SPOCK1: variants seen among roughly 807,000 people sequenced by gnomAD.
SPOCK1 encodes SPARC (osteonectin), cwcv and kazal like domains proteoglycan 1, also known as testican-1.
Under a neutral mutation model 55.3 loss-of-function variants are expected in SPOCK1, and 23 were observed. That is an observed-to-expected ratio of 0.42 (90% CI 0.30 to 0.59). SPOCK1 has a LOEUF of 0.59. Among genes scored for constraint, SPOCK1 ranks in the 20% least tolerant of loss-of-function variants. The pLI, the probability that SPOCK1 is intolerant of heterozygous loss-of-function variation, is 0.22. For missense variants in SPOCK1, 499 were observed against 552.5 expected, an observed-to-expected ratio of 0.90 and a Z score of 0.97; for synonymous variants, 226 against 221.0, an observed-to-expected ratio of 1.02 and a Z score of -0.20.
intron 3 of SPOCK1, among the ~76,000 whole-genome samples, chr5:137,234,896 T>C (rs929190376): frequency 1.3e-5 from 2 of 152,214 alleles, no homozygotes; most frequent in East Asian, 1.9e-4. Flanking sequence ...CCAATAAAAA[T>C]TGCTCATCAG....
At chr5:137,035,344 C>T (rs1263981163) in intron 6 of SPOCK1, among the ~76,000 whole-genome samples, 3 of 152,168 alleles carry the variant, frequency 2.0e-5, no homozygotes, top group Non-Finnish European at 4.4e-5. Context: ...GATACAGGGT[C>T]TTCACTGCTT....
intron 6 of SPOCK1, among the ~76,000 whole-genome samples, chr5:137,021,398 T>C (rs932517706): frequency 6.6e-6 from 1 of 152,176 alleles, no homozygotes; most frequent in Non-Finnish European, 1.5e-5. Context: ...GAAGTCAATA[T>C]GATAGTTAGC....
rs1752251235 is a variant in SPOCK1, at chr5:137,053,708, G to T, written c.589+14007C>A. On this transcript the variant is annotated intron_variant, in intron 6 of 10. Coordinates refer to ENST00000394945, the MANE Select transcript of SPOCK1 (RefSeq NM_004598.4). ...GCTTGGCATCTTGTGGCTACAAAAG[G>T]GCTGCTGCAGCTCCACTCACACCTC... Among the ~76,000 whole-genome samples the T allele has an allele frequency of 2.0e-5, 3 of 151,762 alleles. 1 individual carries two copies. The South Asian group carries it at 6.2e-4, about 32-fold the overall frequency.
chr5:137,348,718 G>T (rs948609347), intron 2 of SPOCK1, among the ~76,000 whole-genome samples: 1 of 152,154 alleles, frequency 6.6e-6, no homozygotes, highest in Non-Finnish European at 1.5e-5. Context: ...CTCCTGTGTT[G>T]CCAAGGGTAG....
At chr5:137,456,454 C>A (rs1212979133) in intron 2 of SPOCK1, among the ~76,000 whole-genome samples, 1 of 152,168 alleles carries the variant, frequency 6.6e-6, no homozygotes, top group Non-Finnish European at 1.5e-5. Flanking sequence ...ACTTCTAATT[C>A]TCTAACTATA....
intron 3 of SPOCK1, among the ~76,000 whole-genome samples, chr5:137,215,233 A>G (rs1232346081): frequency 6.6e-6 from 1 of 152,248 alleles, no homozygotes; most frequent in East Asian, 1.9e-4. Flanking sequence ...ATTCCTTCCA[A>G]ATTAATGTTA....
chr5:137,072,142 G>A (rs1474800850), intron 5 of SPOCK1, among the ~76,000 whole-genome samples: 2 of 152,214 alleles, frequency 1.3e-5, no homozygotes, highest in African/African-American at 4.8e-5. Context: ...GATATGAGCA[G>A]TTGGACCTAA....
chr5:137,421,700 T>C (rs1222066603), intron 2 of SPOCK1, among the ~76,000 whole-genome samples: 1 of 152,226 alleles, frequency 6.6e-6, no homozygotes, highest in African/African-American at 2.4e-5. Flanking sequence ...TCTCTGCATA[T>C]GACATGAGTT....
chr5:137,432,138 A>G (rs547664807), intron 2 of SPOCK1, among the ~76,000 whole-genome samples: 3 of 152,374 alleles, frequency 2.0e-5, no homozygotes, highest in African/African-American at 7.2e-5. Context: ...ATATGGAAAA[A>G]TTGTGCACCA....
chr5:137,197,307 C>T (rs6876716), intron 3 of SPOCK1, among the ~76,000 whole-genome samples: 2,603 of 152,138 alleles, frequency 0.017, 75 homozygotes, highest in African/African-American at 0.059. Context: ...TGAGGAAGAT[C>T]GAGATACTCT....
At chr5:137,340,278 G>A (rs768447396) in intron 2 of SPOCK1, among the ~76,000 whole-genome samples, 3 of 152,100 alleles carry the variant, frequency 2.0e-5, no homozygotes, top group South Asian at 2.1e-4. Flanking sequence ...GACACTGGCC[G>A]CCTGAACTTT....
Position 137,345,155 on chromosome 5 carries a change from T to C in SPOCK1, c.187-78100A>G, listed in dbSNP as rs114742062. Among the ~76,000 whole-genome samples the C allele has an allele frequency of 6.5e-3, 985 of 152,358 alleles. 17 individuals carry two copies. Among genetic ancestry groups the C allele is most frequent in the African/African-American group, 0.023 (945 of 41,584 alleles). On this transcript the variant is annotated intron_variant, in intron 2 of 10. Coordinates refer to ENST00000394945, the MANE Select transcript of SPOCK1 (RefSeq NM_004598.4). Reference sequence around the variant, plus strand: ...CTAACAAATATTCATCTCTGCCTAATGTAACTTGTATGGAATTGTTTGGAG... The same window carrying C: ...CTAACAAATATTCATCTCTGCCTAACGTAACTTGTATGGAATTGTTTGGAG...
rs545474220 is a variant in SPOCK1, at chr5:137,330,581, T to C, written c.187-63526A>G. ...TAGGTATGTAACTTGCTTTAAGTTC[T>C]TGATAGTAAAAATATCCACTCATGC... On this transcript the variant is annotated intron_variant, in intron 2 of 10. Coordinates refer to ENST00000394945, the MANE Select transcript of SPOCK1 (RefSeq NM_004598.4). 7.8e-4 allele frequency among the ~76,000 whole-genome samples: 119 copies of C among 152,374 alleles called. 1 individual carries two copies. The highest frequency in any genetic ancestry group is 2.8e-3 in the African/African-American group (116 of 41,594).
Position 137,188,382 on chromosome 5 carries a change from T to C in SPOCK1, c.233-47688A>G, listed in dbSNP as rs144089119. ...TATTGGCATCATTTTTCAAACAGCA[T>C]GTGCTCACTTTGTGTCTCTGTGTCA... On this transcript the variant is annotated intron_variant, in intron 3 of 10. Transcript: ENST00000394945. Among the ~76,000 whole-genome samples the C allele has an allele frequency of 1.2e-4, 18 of 152,370 alleles. No homozygotes were observed. In the East Asian group the frequency reaches 3.3e-3, roughly 28 times the overall value.
intron 8 of SPOCK1, among the ~76,000 whole-genome samples, chr5:136,986,364 C>G (rs1380666569): frequency 2.0e-5 from 3 of 152,058 alleles, no homozygotes; most frequent in African/African-American, 7.3e-5. Flanking sequence ...GGAAACCATG[C>G]TAAAAATCAC....
chr5:137,240,047 T>G (rs1040904022), intron 3 of SPOCK1, among the ~76,000 whole-genome samples: 1 of 152,150 alleles, frequency 6.6e-6, no homozygotes, highest in African/African-American at 2.4e-5. Flanking sequence ...AAGAGAAAAT[T>G]CCATGTAAAA....
At chr5:137,156,334 A>T (rs1754416063) in intron 3 of SPOCK1, among the ~76,000 whole-genome samples, 1 of 152,174 alleles carries the variant, frequency 6.6e-6, no homozygotes, top group Non-Finnish European at 1.5e-5. Context: ...CTTAAATTCC[A>T]AAAACTCTTC....
At chr5:137,027,883 G>GGAACT in intron 6 of SPOCK1, among the ~76,000 whole-genome samples, 1 of 152,214 alleles carries the variant, frequency 6.6e-6, no homozygotes, top group Non-Finnish European at 1.5e-5. Flanking sequence ...TGCTGGGCAA[G>GGAACT]GAACTGATGA....
At chr5:137,457,350 A>C (rs1267162263) in intron 2 of SPOCK1, among the ~76,000 whole-genome samples, 4 of 152,176 alleles carry the variant, frequency 2.6e-5, no homozygotes, top group Non-Finnish European at 5.9e-5. Context: ...AGCAGAATAC[A>C]ATATTCCTAG....
Sources: gnomAD v4.1 joint callset for allele counts (sites outside exome capture counted in the v4.1 genomes callset) on GRCh38, gnomAD v4.1.1 for gene constraint, MANE v1.5 for transcripts, NCBI Gene and HGNC (gene_info 2026-07-23, HGNC 2026-07-21) for gene names.